Variants in RBFOX1 observed in about 807,000 individuals in gnomAD.
The protein encoded by RBFOX1 is RNA binding protein fox-1 homolog 1.
RBFOX1 carries 8 observed loss-of-function variants against 57.7 expected under a neutral mutation model. That is an observed-to-expected ratio of 0.14 (90% CI 0.08 to 0.25). The LOEUF is 0.25. Ranked by LOEUF, RBFOX1 falls within the 10% of genes least tolerant of loss-of-function variation. The pLI is 1.00. For missense variants in RBFOX1, 611 were observed against 548.5 expected (o/e 1.11, Z -1.14); for synonymous variants, 326 against 222.4 (o/e 1.47, Z -4.15).
intron 2 of RBFOX1, among the ~76,000 whole-genome samples, chr16:6,343,461 T>A (rs141306364): frequency 2.1e-3 from 315 of 152,314 alleles, no homozygotes; most frequent in African/African-American, 7.0e-3. Flanking sequence ...GAAGTGAGGA[T>A]TTGCGATAAT....
intron 4 of RBFOX1, among the ~76,000 whole-genome samples, chr16:7,128,614 C>G (rs1600352731): frequency 6.6e-6 from 1 of 152,092 alleles, no homozygotes; most frequent in African/African-American, 2.4e-5. Flanking sequence ...GAGGCTCATG[C>G]TAGGAACTGA....
chr16:5,398,296 TATG>T (rs2066619009), intron 1 of RBFOX1, among the ~76,000 whole-genome samples: 1 of 149,520 alleles, frequency 6.7e-6, no homozygotes, highest in African/African-American at 2.4e-5. Flanking sequence ...CATGTGTGCT[TATG>T]TGTGTGTGCA....
At chr16:5,251,845 A>T (rs2062460581) in intron 1 of RBFOX1, among the ~76,000 whole-genome samples, 2 of 152,184 alleles carry the variant, frequency 1.3e-5, no homozygotes, top group African/African-American at 2.4e-5. Context: ...TAGCTTAATA[A>T]AATACTATTA....
intron 1 of RBFOX1, among the ~76,000 whole-genome samples, chr16:6,150,197 C>T (rs1216096337): frequency 6.6e-6 from 1 of 152,124 alleles, no homozygotes; most frequent in East Asian, 1.9e-4. Flanking sequence ...ATCGTGAGAC[C>T]AGAGAGGGTT....
At chr16:5,571,980 G>A (rs1203431376) in intron 2 of RBFOX1, among the ~76,000 whole-genome samples, 2 of 152,126 alleles carry the variant, frequency 1.3e-5, no homozygotes, top group African/African-American at 4.8e-5. Context: ...TTCTTATGTG[G>A]GGCCCCAGGA....
chr16:5,977,340 C>A lies in RBFOX1; in HGVS notation c.351+110005C>A, dbSNP rs909258865. The stretch of plus-strand genomic sequence containing the variant: ...CCTGGGCTTTCACAGGCCAGCCCGT[C>A]ATGCAGAGTCTCTCCAGAGACCGCT... On this transcript the variant is annotated intron_variant, in intron 4 of 19. Coordinates refer to the RBFOX1 transcript ENST00000641259. 2.0e-5 allele frequency among the ~76,000 whole-genome samples: 3 copies of A among 152,256 alleles called. No individual in the cohort carries two copies. In the East Asian group the frequency reaches 5.8e-4, roughly 30 times the overall value.
chr16:5,824,031 T>TTCG, intron 3 of RBFOX1, among the ~76,000 whole-genome samples: 1 of 152,298 alleles, frequency 6.6e-6, no homozygotes, highest in South Asian at 2.1e-4. Context: ...CAAGGCCCTG[T>TTCG]AGCCAGATGG....
chr16:7,139,701 G>A (rs2073124391), intron 4 of RBFOX1, among the ~76,000 whole-genome samples: 1 of 152,084 alleles, frequency 6.6e-6, no homozygotes, highest in South Asian at 2.1e-4. Context: ...ATGTTGGGTT[G>A]GTGAATAAAA....
intron 4 of RBFOX1, among the ~76,000 whole-genome samples, chr16:7,116,604 A>G (rs1043739314): frequency 1.3e-5 from 2 of 152,164 alleles, no homozygotes; most frequent in Non-Finnish European, 2.9e-5. Flanking sequence ...AAGAAAAACA[A>G]AGCCCACAGC....
intron 3 of RBFOX1, among the ~76,000 whole-genome samples, chr16:6,895,268 G>A (rs998139997): frequency 1.3e-5 from 2 of 151,480 alleles, no homozygotes; most frequent in African/African-American, 2.4e-5. Context: ...AGTGGTTCCT[G>A]ATTCCCAGAA....
At chr16:6,781,730 C>A (rs190524911) in intron 3 of RBFOX1, among the ~76,000 whole-genome samples, 6 of 152,082 alleles carry the variant, frequency 3.9e-5, no homozygotes, top group African/African-American at 1.2e-4. Context: ...AAAATACTCT[C>A]TAATTTACCT....
chr16:5,964,021 CTG>C (rs910155602), intron 4 of RBFOX1, among the ~76,000 whole-genome samples: 2 of 152,170 alleles, frequency 1.3e-5, no homozygotes, highest in Admixed American at 6.5e-5. Context: ...TGATTAATAT[CTG>C]TGTTTTATAT....
At chr16:6,367,748 T>A (rs201344670) in intron 2 of RBFOX1, among the ~76,000 whole-genome samples, 1 of 143,722 alleles carries the variant, frequency 7.0e-6, no homozygotes, top group African/African-American at 2.6e-5. Context: ...TTGCAATTGT[T>A]AAAAAAAAAA....
At chr16:6,998,307 C>G (rs1352428786) in intron 3 of RBFOX1, among the ~76,000 whole-genome samples, 1 of 152,094 alleles carries the variant, frequency 6.6e-6, no homozygotes, top group Admixed American at 6.6e-5. Flanking sequence ...GAAGGATGAA[C>G]AACACTCATT....
chr16:6,314,837 C>T (rs927002925), intron 1 of RBFOX1, among the ~76,000 whole-genome samples: 2 of 152,192 alleles, frequency 1.3e-5, no homozygotes, highest in African/African-American at 4.8e-5. Context: ...TACTGTGAAT[C>T]TCTAGAAGAG....
intron 3 of RBFOX1, among the ~76,000 whole-genome samples, chr16:6,766,075 C>G (rs548272488): frequency 6.6e-6 from 1 of 152,102 alleles, no homozygotes; most frequent in South Asian, 2.1e-4. Context: ...GATTTCAACA[C>G]TATGCAATTC....
intron 3 of RBFOX1, among the ~76,000 whole-genome samples, chr16:6,787,274 G>C (rs1209996778): frequency 6.6e-6 from 1 of 152,110 alleles, no homozygotes; most frequent in Non-Finnish European, 1.5e-5. Context: ...GTTCTAGGCA[G>C]CATAATCTTA....
chr16:6,223,811 C>T (rs1220327007), intron 1 of RBFOX1, among the ~76,000 whole-genome samples: 1 of 152,120 alleles, frequency 6.6e-6, no homozygotes, highest in African/African-American at 2.4e-5. Context: ...CCTAGGTTTT[C>T]TTCTAGGGTT....
intron 2 of RBFOX1, among the ~76,000 whole-genome samples, chr16:6,642,115 GAA>G (rs2098496490): frequency 1.3e-5 from 2 of 152,166 alleles, no homozygotes; most frequent in South Asian, 2.1e-4. Context: ...TGAGAGAAAT[GAA>G]AAGAGACGCC....
Sources: allele counts gnomAD v4.1 joint callset (sites outside exome capture counted in the v4.1 genomes callset), GRCh38; gene constraint gnomAD v4.1.1; transcripts MANE v1.5; gene names NCBI Gene and HGNC (gene_info 2026-07-23, HGNC 2026-07-21).